PPP1R12C: variants seen among roughly 807,000 people sequenced by gnomAD.
PPP1R12C encodes protein phosphatase 1 regulatory subunit 12C, also known as leukocyte receptor cluster (LRC) encoded novel gene 3.
Under a neutral mutation model 95.6 loss-of-function variants are expected in PPP1R12C, and 48 were observed. The ratio of observed to expected loss-of-function variants is 0.50; its 90% CI spans 0.40 to 0.64. The LOEUF (loss-of-function observed/expected upper bound fraction) is 0.64, where lower values mean the gene tolerates loss of function less well. Among genes scored for constraint, PPP1R12C ranks in the 30% least tolerant of loss-of-function variants. The pLI is 0.00. For synonymous variants in PPP1R12C, 480 were observed against 460.8 expected (o/e 1.04, Z -0.53); for missense variants, 1,057 against 1,083.3 (o/e 0.98, Z 0.34).
At position 55,093,025 on chromosome 19, in the gene PPP1R12C, C is replaced by A. The variant is rs755091587; in HGVS notation, c.1816G>T (p.Ala606Ser). ...VPGVENSDSP[A>S]QRAEAPDGQG... The stretch of plus-strand genomic sequence containing the variant: ...CGAGAGCAGACCTCACCTCTCTGGG[C>A]AGGGCTGTCAGAGTTCTCCACTCCA... The change falls in exon 15 of 22, where the codon GCC (alanine) becomes TCC (serine). Residue 606 changes from alanine to serine, a missense_variant. Coordinates refer to ENST00000263433, the MANE Select transcript of PPP1R12C (RefSeq NM_017607.4). 4 of 1,582,400 alleles carry A rather than the reference C, an allele frequency of 2.5e-6. No individual in the cohort carries two copies. Among genetic ancestry groups the A allele is most frequent in the South Asian group, 1.2e-5 (1 of 85,382 alleles).
chr19:55,099,980 C>G (rs1706473503), intron 4 of PPP1R12C, among the ~76,000 whole-genome samples: 1 of 152,306 alleles, frequency 6.6e-6, no homozygotes, highest in East Asian at 1.9e-4. Context: ...ACAAGTCCCT[C>G]TCTCTGGTCC....
At position 55,091,557 on chromosome 19, in the gene PPP1R12C, GC is replaced by G; in HGVS notation, c.2263del (p.Ala755ProfsTer19). On this transcript the variant is annotated frameshift_variant and splice_region_variant, in exon 22 of 22. Coordinates refer to ENST00000263433, the MANE Select transcript of PPP1R12C (RefSeq NM_017607.4). LOFTEE classifies it high-confidence loss of function. Reference sequence around the variant, plus strand: ...GTTGTCAGCGCGGAGGTCAGACAGGGCCTGGGGGACGGCAAGGGTCAGCTGG... The same window carrying G: ...GTTGTCAGCGCGGAGGTCAGACAGGGCTGGGGGACGGCAAGGGTCAGCTGG... Reference protein sequence around the residue: ...KAAELEEELKALSDLRADNQR... With the variant: ...KAAELEEELKXLSDLRADNQR... 6.2e-7 allele frequency: 1 copy of G among 1,613,578 alleles called. No individual in the cohort carries two copies. Among genetic ancestry groups the G allele is most frequent in the Non-Finnish European group, 8.5e-7 (1 of 1,179,918 alleles).
rs569859944 is a variant in PPP1R12C at position 55,101,537 on chromosome 19, G to A, written c.731+1872C>T. Among the ~76,000 whole-genome samples, 22 of 152,302 alleles carry A rather than the reference G, an allele frequency of 1.4e-4. No homozygotes were observed. The South Asian group carries it at 2.7e-3, about 19-fold the overall frequency. ...GCTGGCGTTAAGTGGTGCCGCTTGC[G>A]GACTGCTCTTTTGAAAGGAATGGAT... On this transcript the variant is annotated intron_variant, in intron 4 of 21. Transcript: ENST00000263433.
At chr19:55,115,955 G>A (rs955186089) in intron 1 of PPP1R12C, among the ~76,000 whole-genome samples, 1 of 152,196 alleles carries the variant, frequency 6.6e-6, no homozygotes, top group Non-Finnish European at 1.5e-5. Flanking sequence ...CGGACCCCTG[G>A]AAGATGCCAT....
At position 55,091,973 on chromosome 19, in the gene PPP1R12C, AGGCTCCTGCTG is replaced by A. The variant is rs1300443020; in HGVS notation, c.2161-75_2161-65del. On this transcript the variant is annotated intron_variant, in intron 19 of 21. Transcript: ENST00000263433. ...AGCCAGCACTGCTCTGAAGGGTCCT[AGGCTCCTGCTG>A]GGCACCCGCCCGCCCACTAGGCAGC... is the stretch of plus-strand genomic sequence containing the variant. 86 of 1,587,020 alleles carry A rather than the reference AGGCTCCTGCTG, an allele frequency of 5.4e-5. No individual in the cohort carries two copies. The African/African-American group carries it at 1.1e-3, about 19-fold the overall frequency.
Position 55,095,436 on chromosome 19 carries a change from C to T in PPP1R12C, c.1386+9G>A, listed in dbSNP as rs768824653. Reference sequence around the variant, plus strand: ...GCCTGGGCCTGGACCCGGCCCAACCCTCACTCACCTGAGTGGAGGTCCCTT... The same window carrying T: ...GCCTGGGCCTGGACCCGGCCCAACCTTCACTCACCTGAGTGGAGGTCCCTT... On this transcript the variant is annotated intron_variant, in intron 10 of 21. Transcript: ENST00000263433. 2 of 1,560,874 alleles carry T rather than the reference C, an allele frequency of 1.3e-6. No homozygotes were observed. The highest frequency in any genetic ancestry group is 4.8e-5 in the East Asian group (2 of 41,562).
In PPP1R12C at chr19:55,103,410, T is replaced by G; in HGVS notation, c.730A>C (p.Arg244=). The part of the protein sequence containing the change: ...AAAKGYIEVM[R]LLLQAGYDPE... ...ATGGAACAGACTGGCCCAACTCACC[T>G]CATCACCTCAATGTAGCCCTTGGCA... is the stretch of plus-strand genomic sequence containing the variant. Residue 244 remains arginine, a splice_region_variant and synonymous_variant, in exon 4 of 22, where the codon AGG becomes CGG. Coordinates refer to ENST00000263433, the MANE Select transcript of PPP1R12C (RefSeq NM_017607.4). The G allele has an allele frequency of 6.7e-7, 1 of 1,503,530 alleles. No homozygotes were observed. The highest frequency in any genetic ancestry group is 9.0e-7 in the Non-Finnish European group (1 of 1,112,180). The allele number at this position is 1,503,530 out of a possible 1,614,324, so 93.1% of individuals were successfully genotyped here. A position where few individuals can be genotyped will look rare whatever the true frequency, so the allele number is the denominator to read the frequency against.
In PPP1R12C at chr19:55,095,618, A is replaced by T. The variant is rs767560315; in HGVS notation, c.1228-15T>A. ...TCTTCAAGCTGCTGGGAGAAGGAGG[A>T]GGTCTCAGTTAGAGAGAAAGGATCC... On this transcript the variant is annotated splice_polypyrimidine_tract_variant and intron_variant, in intron 9 of 21. Transcript: ENST00000263433. The T allele has an allele frequency of 4.5e-6, 7 of 1,544,044 alleles. No homozygotes were observed. Among genetic ancestry groups the T allele is most frequent in the Non-Finnish European group, 6.1e-6 (7 of 1,149,590 alleles).
chr19:55,104,018 C>T (rs752434309), intron 3 of PPP1R12C, among the ~76,000 whole-genome samples: 1 of 140,082 alleles, frequency 7.1e-6, no homozygotes, highest in African/African-American at 2.7e-5. Flanking sequence ...AAAAATTTAG[C>T]CAGGTGTGGT....
At position 55,096,122 on chromosome 19, in the gene PPP1R12C, T is replaced by C. The variant is rs1177018310; in HGVS notation, c.1082A>G (p.Lys361Arg). Residue 361 changes from lysine (K) to arginine (R), a missense_variant, in exon 8 of 22, where the codon AAG becomes AGG. Around this residue, in one of 5 missense-constraint regions of PPP1R12C, gnomAD observed 356 missense variants for 330.5 expected, o/e 1.08. Coordinates refer to ENST00000263433, the MANE Select transcript of PPP1R12C (RefSeq NM_017607.4). Reference sequence around the variant, plus strand: ...CCCAGCCCCACCAGGCCGGCGCTCCTTGGACAAGTCCTGGAGGGAAATCTT... The same window carrying C: ...CCCAGCCCCACCAGGCCGGCGCTCCCTGGACAAGTCCTGGAGGGAAATCTT... ...REKISLQDLSKERRPGGAGGP... is the reference protein window; with the variant it reads ...REKISLQDLSRERRPGGAGGP... The C allele has an allele frequency of 6.3e-7, 1 of 1,599,182 alleles. No individual in the cohort carries two copies. The highest frequency in any genetic ancestry group is 8.5e-7 in the Non-Finnish European group (1 of 1,174,094).
At chr19:55,092,122 GC>G in intron 19 of PPP1R12C, 99 bp downstream of exon 19, 1 of 1,207,476 alleles carries the variant, frequency 8.3e-7, no homozygotes. Context: ...GTGAAGCCCA[GC>G]CCCGCCGGCA....
Position 55,091,353 on chromosome 19 carries a change from G to C in PPP1R12C, c.*119C>G, listed in dbSNP as rs545369271. The C allele has an allele frequency of 3.5e-5, 38 of 1,083,960 alleles. No homozygotes were observed. In the South Asian group the frequency reaches 5.7e-4, roughly 16 times the overall value. The allele number at this position is 1,083,960 out of a possible 1,614,324, so 67.1% of individuals were successfully genotyped here. ...TCCCCTCCCAGTCCGGAGGTCCCAGGGGGGCTATGGCTTCTCTGAGACTTC... is the reference window on the plus strand; with the variant it reads ...TCCCCTCCCAGTCCGGAGGTCCCAGCGGGGCTATGGCTTCTCTGAGACTTC... On this transcript the variant is annotated 3_prime_UTR_variant, in exon 22 of 22. Coordinates refer to ENST00000263433, the MANE Select transcript of PPP1R12C (RefSeq NM_017607.4).
chr19:55,098,669 A>T, intron 6 of PPP1R12C, 115 bp downstream of exon 6: 1 of 1,280,630 alleles, frequency 7.8e-7, no homozygotes, highest in Non-Finnish European at 1.1e-6. Flanking sequence ...GGGAAATAGC[A>T]GGTCGCTGGG....
In PPP1R12C at chr19:55,100,625, T is replaced by G. The variant is rs529475019; in HGVS notation, c.732-1530A>C. On this transcript the variant is annotated intron_variant, in intron 4 of 21. Transcript: ENST00000263433. ...TTTTTGTTTTGTTTTGGTTTGGTTT[T>G]GTTTTGAGACGGAGTCTCACACTGT... Among the ~76,000 whole-genome samples, 25 of 152,374 alleles carry G rather than the reference T, an allele frequency of 1.6e-4. No homozygotes were observed. In the East Asian group the frequency reaches 1.7e-3, roughly 11 times the overall value.
chr19:55,113,279 G>A (rs2085117723), intron 1 of PPP1R12C: 2 of 764,150 alleles, frequency 2.6e-6, no homozygotes, highest in Non-Finnish European at 3.8e-6. Flanking sequence ...CAGATACTCT[G>A]CAGGAACGAA....
intron 1 of PPP1R12C, chr19:55,112,999 G>A (rs2085114802): frequency 1.5e-6 from 1 of 656,794 alleles, no homozygotes; most frequent in Non-Finnish European, 2.6e-6. Flanking sequence ...TCAGTGCTCA[G>A]TGGAAACCAC....
chr19:55,104,917 A>G (rs1010728361), intron 3 of PPP1R12C, among the ~76,000 whole-genome samples: 1 of 151,732 alleles, frequency 6.6e-6, no homozygotes, highest in Non-Finnish European at 1.5e-5. Flanking sequence ...GATTACAGGC[A>G]CACGCCACCA....
rs2084863496 is a variant in PPP1R12C at position 55,092,888 on chromosome 19, C to T, written c.1826-20G>A. On this transcript the variant is annotated intron_variant, in intron 15 of 21. Transcript: ENST00000263433. ...CCTCTGCTGGGGGAGGGGCAGGAAT[C>T]AGCCCAGGCACCTCCAGAGCCCCCT... 1 of 1,601,102 alleles carries T rather than the reference C, an allele frequency of 6.2e-7. No individual in the cohort carries two copies.
chr19:55,095,492 G>T lies in PPP1R12C; in HGVS notation c.1339C>A (p.Leu447Met). The T allele has an allele frequency of 6.4e-7, 1 of 1,569,324 alleles. No individual in the cohort carries two copies. The highest frequency in any genetic ancestry group is 8.6e-7 in the Non-Finnish European group (1 of 1,157,292). Residue 447 changes from leucine (L) to methionine (M), a missense_variant, in exon 10 of 22, where the codon CTG becomes ATG. Coordinates refer to ENST00000263433, the MANE Select transcript of PPP1R12C (RefSeq NM_017607.4). ...CAGGAGGAGGAAGCCGAGCGCTGCA[G>T]CCCAGCCCCAGGGGCTCCCTCCGCT... ...RTAEGAPGAG[L>M]QRSASSSWLE...
Sources: allele counts gnomAD v4.1 joint callset (sites outside exome capture counted in the v4.1 genomes callset), GRCh38; gene constraint gnomAD v4.1.1; regional missense constraint gnomAD v4.1.1; transcripts MANE v1.5; gene names NCBI Gene and HGNC (gene_info 2026-07-23, HGNC 2026-07-21).